The following ANKRD11 variants were observed in gnomAD, a reference collection of about 807,000 sequenced individuals.
ANKRD11 encodes the protein ankyrin repeat domain-containing protein 11.
In ANKRD11, 17 loss-of-function variants were observed where a neutral mutation model predicts 195.7. That is an observed-to-expected ratio of 0.09 (90% CI 0.06 to 0.13). ANKRD11 has a LOEUF of 0.13. Ranked by LOEUF, ANKRD11 falls within the 10% of genes least tolerant of loss-of-function variation. The pLI, the probability that ANKRD11 is intolerant of heterozygous loss-of-function variation, is 1.00. For missense variants in ANKRD11, 3,735 were observed against 3,566.1 expected (o/e 1.05, Z -1.21); for synonymous variants, 1,953 against 1,528.1 (o/e 1.28, Z -6.49).
At chr16:89,415,731 G>A (rs1288685275) in intron 2 of ANKRD11, among the ~76,000 whole-genome samples, 2 of 149,556 alleles carry the variant, frequency 1.3e-5, no homozygotes, top group African/African-American at 4.9e-5. Flanking sequence ...GGGAGGCTGA[G>A]GCAGGAGAAA....
intron 2 of ANKRD11, among the ~76,000 whole-genome samples, chr16:89,415,621 C>T (rs537720433): frequency 7.8e-4 from 118 of 151,260 alleles, no homozygotes; most frequent in Non-Finnish European, 1.6e-3. Flanking sequence ...GGAGAACAGG[C>T]ATTCAAGACC....
chr16:89,387,428 T>G (rs998619382), intron 2 of ANKRD11, among the ~76,000 whole-genome samples: 26 of 151,840 alleles, frequency 1.7e-4, no homozygotes, highest in Non-Finnish European at 3.5e-4. Context: ...ATCCCAGCAC[T>G]TTGGGAGGCT....
At chr16:89,363,774 A>T (rs938632155) in intron 2 of ANKRD11, among the ~76,000 whole-genome samples, 1 of 152,228 alleles carries the variant, frequency 6.6e-6, no homozygotes, top group African/African-American at 2.4e-5. Flanking sequence ...GTGGAGTGCT[A>T]GCCCTATGCG....
At chr16:89,316,842 G>A in intron 3 of ANKRD11, 91 bp downstream of exon 3, 3 of 1,472,746 alleles carry the variant, frequency 2.0e-6, no homozygotes, top group Non-Finnish European at 1.9e-6. Context: ...CCGGAGGGCG[G>A]AGAACAGGCC....
intron 1 of ANKRD11, among the ~76,000 whole-genome samples, chr16:89,486,593 C>A (rs1223390832): frequency 1.3e-5 from 2 of 152,084 alleles, no homozygotes; most frequent in Non-Finnish European, 2.9e-5. Context: ...TGGCACATGG[C>A]CCAACTGAGG....
At chr16:89,381,237 CAGG>C (rs1392085291) in intron 2 of ANKRD11, among the ~76,000 whole-genome samples, 1 of 149,744 alleles carries the variant, frequency 6.7e-6, no homozygotes, top group Non-Finnish European at 1.5e-5. Context: ...GAGGCTGAGG[CAGG>C]AGAATTGCTT....
intron 2 of ANKRD11, among the ~76,000 whole-genome samples, chr16:89,327,027 TGCAGAGGTGGGGAATGCAGAGGTG>T: frequency 6.7e-6 from 1 of 148,438 alleles, no homozygotes; most frequent in Admixed American, 6.7e-5. Context: ...AGGTGGGGAA[TGCAGAGGTGGGGAATGCAGAGGTG>T]GGAAATGCAG....
intron 1 of ANKRD11, among the ~76,000 whole-genome samples, chr16:89,456,994 C>T (rs1473676069): frequency 3.5e-5 from 5 of 142,918 alleles, no homozygotes; most frequent in African/African-American, 1.3e-4. Flanking sequence ...GAGTCTCGCT[C>T]TGTCGCCCAG....
rs1236812494 is a variant in ANKRD11, at chr16:89,326,810, G to GC, written c.-59-9733dup. 5.9e-5 allele frequency among the ~76,000 whole-genome samples: 9 copies of GC among 152,300 alleles called. 1 individual carries two copies. The highest frequency in any genetic ancestry group is 2.6e-4 in the Admixed American group (4 of 15,298). On this transcript the variant is annotated intron_variant, in intron 2 of 12. Transcript: ENST00000301030. Reference sequence around the variant, plus strand: ...GAAAAAGTGCTTGGCCCAGAGCAGTGCCCCAAAGCATCTCCTAAGAAAGGG... The same window carrying GC: ...GAAAAAGTGCTTGGCCCAGAGCAGTGCCCCCAAAGCATCTCCTAAGAAAGGG...
intron 4 of ANKRD11, among the ~76,000 whole-genome samples, chr16:89,302,153 G>A (rs557754197): frequency 2.0e-5 from 3 of 152,340 alleles, no homozygotes; most frequent in Admixed American, 6.5e-5. Flanking sequence ...GAGCAAGAAC[G>A]GCTCCTCTGG....
At chr16:89,358,158 C>A (rs747681533) in intron 2 of ANKRD11, among the ~76,000 whole-genome samples, 1 of 152,216 alleles carries the variant, frequency 6.6e-6, no homozygotes, top group Non-Finnish European at 1.5e-5. Context: ...CACCCACCCA[C>A]GTGGCTTTGC....
At chr16:89,364,658 G>A (rs1473566988) in intron 2 of ANKRD11, among the ~76,000 whole-genome samples, 1 of 152,206 alleles carries the variant, frequency 6.6e-6, no homozygotes, top group African/African-American at 2.4e-5. Flanking sequence ...CAGCTGATAA[G>A]CTTAGAAAAA....
intron 2 of ANKRD11, among the ~76,000 whole-genome samples, chr16:89,407,487 G>C (rs184406187): frequency 4.6e-5 from 7 of 152,152 alleles, no homozygotes; most frequent in East Asian, 1.9e-4. Flanking sequence ...CGTTCGCCTC[G>C]TCAGGGCTGT....
intron 11 of ANKRD11, chr16:89,271,869 G>A (rs2033186752): frequency 6.6e-6 from 1 of 152,044 alleles, no homozygotes; most frequent in African/African-American, 2.4e-5. Context: ...CGAAGCACAG[G>A]CAACCAAAGC....
chr16:89,289,129 G>A (rs1027409110), intron 6 of ANKRD11, among the ~76,000 whole-genome samples: 12 of 152,176 alleles, frequency 7.9e-5, no homozygotes, highest in Non-Finnish European at 1.3e-4. Context: ...CCAGGCTCGG[G>A]CTGCACGACG....
Position 89,286,189 on chromosome 16 carries a change from A to G in ANKRD11, c.745-3T>C. 6.2e-7 allele frequency: 1 copy of G among 1,613,048 alleles called. No individual in the cohort carries two copies. The highest frequency in any genetic ancestry group is 8.5e-7 in the Non-Finnish European group (1 of 1,179,982). On this transcript the variant is annotated splice_region_variant and splice_polypyrimidine_tract_variant and intron_variant, in intron 7 of 12. Coordinates refer to ENST00000301030, the MANE Select transcript of ANKRD11 (RefSeq NM_013275.6). ...TACCGCAGCAGCAGCTTCACCACCT[A>G]CAAGACAGTAACACCCGCGTCAGGG... is the stretch of plus-strand genomic sequence containing the variant.
chr16:89,379,696 G>C lies in ANKRD11; in HGVS notation c.-60+38588C>G, dbSNP rs558093358. Among the ~76,000 whole-genome samples the C allele has an allele frequency of 2.1e-4, 32 of 152,354 alleles. No homozygotes were observed. The South Asian group carries it at 6.4e-3, about 31-fold the overall frequency. On this transcript the variant is annotated intron_variant, in intron 2 of 12. Transcript: ENST00000301030. ...GGACGCGAGCGCCCCAAGCAGCACG[G>C]AAGAGCTCCGTGCAGTGCACGGATT...
intron 1 of ANKRD11, among the ~76,000 whole-genome samples, chr16:89,441,528 G>T (rs1484013002): frequency 6.6e-6 from 1 of 152,028 alleles, no homozygotes; most frequent in Admixed American, 6.6e-5. Flanking sequence ...AGCACTTTGG[G>T]AGGCCAAGGC....
Position 89,368,608 on chromosome 16 carries a change from T to TAA in ANKRD11, c.-60+49674_-60+49675dup, listed in dbSNP as rs34142081. Among the ~76,000 whole-genome samples the TAA allele has an allele frequency of 3.6e-3, 478 of 131,656 alleles. 2 individuals carry two copies. The highest frequency in any genetic ancestry group is 0.012 in the Admixed American group (156 of 12,960). The allele number at this position is 131,656 out of a possible 152,430, so 86.4% of individuals were successfully genotyped here. Reference sequence around the variant, plus strand: ...GACAGCAATAAAAACACGCAGCTCTTAAAAAAAAAAAAAAAAGGGCTGGGT... The same window carrying TAA: ...GACAGCAATAAAAACACGCAGCTCTTAAAAAAAAAAAAAAAAAAGGGCTGGGT... On this transcript the variant is annotated intron_variant, in intron 2 of 12. Coordinates refer to ENST00000301030, the MANE Select transcript of ANKRD11 (RefSeq NM_013275.6).
Sources: gnomAD v4.1 joint callset for allele counts (sites outside exome capture counted in the v4.1 genomes callset) on GRCh38, gnomAD v4.1.1 for gene constraint, MANE v1.5 for transcripts, NCBI Gene and HGNC (gene_info 2026-07-23, HGNC 2026-07-21) for gene names.